Variants in CSMD3 observed in about 807,000 individuals in gnomAD.
The protein encoded by CSMD3 is CUB and Sushi multiple domains 3.
CSMD3 carries 177 observed loss-of-function variants against 435.2 expected under a neutral mutation model. The observed-to-expected ratio is 0.41, with a 90% CI of 0.36 to 0.46. CSMD3 has a LOEUF of 0.46. Ranked by LOEUF, CSMD3 falls within the 20% of genes least tolerant of loss-of-function variation. The pLI, the probability that CSMD3 is intolerant of heterozygous loss-of-function variation, is 0.34. For synonymous variants in CSMD3, 1,656 were observed against 1,520.5 expected, an observed-to-expected ratio of 1.09 and a Z score of -2.07; for missense variants, 4,265 against 4,504.6, an observed-to-expected ratio of 0.95 and a Z score of 1.52.
Position 112,947,824 on chromosome 8 carries a change from G to A in CSMD3, c.1474C>T (p.Pro492Ser), listed in dbSNP as rs759641145. ...ASNLCPDPGE[P>S]ENGKRIGSDF... is the part of the protein sequence containing the mutation. ...GATCCGATTCTCTTCCCATTTTCTG[G>A]TTCTCCTGGATCTGGGCATAAATTG... Residue 492 changes from proline to serine, a missense_variant, in exon 9 of 71, where the codon CCA becomes TCA. This residue lies in a region of CSMD3 where 731 missense variants were observed against 755.4 expected (regional missense o/e 0.97). Transcript: ENST00000297405. 3 of 1,521,702 alleles carry A rather than the reference G, an allele frequency of 2.0e-6. No homozygotes were observed. The highest frequency in any genetic ancestry group is 2.7e-5 in the African/African-American group (2 of 72,836). The allele number at this position is 1,521,702 out of a possible 1,614,324, so 94.3% of individuals were successfully genotyped here.
At chr8:113,039,726 G>A (rs2087521207) in intron 5 of CSMD3, among the ~76,000 whole-genome samples, 1 of 152,086 alleles carries the variant, frequency 6.6e-6, no homozygotes, top group African/African-American at 2.4e-5. Flanking sequence ...CTATTTAAAT[G>A]AAAAACAGGA....
chr8:112,319,045 G>C, intron 46 of CSMD3, 95 bp from the exon 47 acceptor site: 3 of 777,008 alleles, frequency 3.9e-6, no homozygotes, highest in Non-Finnish European at 4.5e-6. Flanking sequence ...TTCTCCTTTA[G>C]TTATTTTCAA....
At chr8:113,003,360 T>C (rs2085939274) in intron 6 of CSMD3, among the ~76,000 whole-genome samples, 1 of 152,110 alleles carries the variant, frequency 6.6e-6, no homozygotes, top group Non-Finnish European at 1.5e-5. Flanking sequence ...AAAATATTGA[T>C]CATTTATTTC....
At chr8:113,153,350 G>T (rs546734456) in intron 4 of CSMD3, among the ~76,000 whole-genome samples, 1 of 152,100 alleles carries the variant, frequency 6.6e-6, no homozygotes, top group African/African-American at 2.4e-5. Context: ...TATTATGTGA[G>T]AATTCAATAG....
intron 32 of CSMD3, among the ~76,000 whole-genome samples, chr8:112,440,696 G>T (rs1039102320): frequency 6.6e-6 from 1 of 152,182 alleles, no homozygotes; most frequent in Non-Finnish European, 1.5e-5. Context: ...TGATTTTTGT[G>T]TACCCACAGG....
intron 5 of CSMD3, among the ~76,000 whole-genome samples, chr8:113,061,561 G>A (rs35555491): frequency 6.6e-6 from 1 of 151,932 alleles, no homozygotes; most frequent in Non-Finnish European, 1.5e-5. Flanking sequence ...AGGTATACAT[G>A]GAATTCACTG....
At chr8:112,441,063 G>T (rs1208530281) in intron 32 of CSMD3, among the ~76,000 whole-genome samples, 3 of 151,990 alleles carry the variant, frequency 2.0e-5, no homozygotes, top group Admixed American at 6.6e-5. Context: ...TTACTTAATT[G>T]CCAGGCTGAA....
At chr8:112,276,365 T>G (rs933131544) in intron 59 of CSMD3, among the ~76,000 whole-genome samples, 1 of 152,134 alleles carries the variant, frequency 6.6e-6, no homozygotes, top group Admixed American at 6.5e-5. Flanking sequence ...TGTCGATGTA[T>G]CTCCCTTTCT....
At chr8:112,690,700 G>GA (rs971439801) in intron 13 of CSMD3, among the ~76,000 whole-genome samples, 29 of 150,786 alleles carry the variant, frequency 1.9e-4, no homozygotes, top group East Asian at 5.9e-4. Context: ...GAAAGAGATT[G>GA]AAAAAAATAT....
chr8:113,083,426 A>C (rs1036929501), intron 5 of CSMD3, among the ~76,000 whole-genome samples: 4 of 152,046 alleles, frequency 2.6e-5, no homozygotes, highest in African/African-American at 9.7e-5. Flanking sequence ...ATGCTTAAGA[A>C]ATGAAGAAGA....
At chr8:112,857,362 G>A (rs2080690793) in intron 11 of CSMD3, among the ~76,000 whole-genome samples, 1 of 151,754 alleles carries the variant, frequency 6.6e-6, no homozygotes, top group Non-Finnish European at 1.5e-5. Context: ...AAGTAGAAAT[G>A]TGACAACCTC....
intron 3 of CSMD3, among the ~76,000 whole-genome samples, chr8:113,185,002 T>G (rs188024860): frequency 6.6e-6 from 1 of 152,176 alleles, no homozygotes; most frequent in East Asian, 1.9e-4. Context: ...TGGTCTAGAT[T>G]GCAGGCAGCA....
chr8:113,093,443 G>T (rs1351039299), intron 5 of CSMD3, among the ~76,000 whole-genome samples: 1 of 152,062 alleles, frequency 6.6e-6, no homozygotes, highest in Non-Finnish European at 1.5e-5. Flanking sequence ...CTGGAAAAGA[G>T]GTAATAATCA....
intron 32 of CSMD3, among the ~76,000 whole-genome samples, chr8:112,472,347 A>T (rs1401514508): frequency 6.6e-6 from 1 of 152,174 alleles, no homozygotes; most frequent in Non-Finnish European, 1.5e-5. Context: ...ACTCATTTTT[A>T]AAAATTAAAA....
intron 11 of CSMD3, among the ~76,000 whole-genome samples, chr8:112,838,894 A>G (rs2132521189): frequency 6.6e-6 from 1 of 151,900 alleles, no homozygotes; most frequent in South Asian, 2.1e-4. Context: ...ATAGGTAAAT[A>G]TTGTATGATA....
At chr8:112,795,683 T>C (rs1199369228) in intron 13 of CSMD3, among the ~76,000 whole-genome samples, 1 of 152,042 alleles carries the variant, frequency 6.6e-6, no homozygotes, top group Non-Finnish European at 1.5e-5. Context: ...CAGATAAAAA[T>C]AACATTGGTG....
chr8:112,256,950 A>G (rs1815866321), intron 61 of CSMD3, among the ~76,000 whole-genome samples: 1 of 152,198 alleles, frequency 6.6e-6, no homozygotes, highest in Admixed American at 6.5e-5. Flanking sequence ...TGCCCGAGCC[A>G]TCTGGAACGC....
At chr8:112,776,701 G>A (rs1184615043) in intron 13 of CSMD3, among the ~76,000 whole-genome samples, 1 of 151,726 alleles carries the variant, frequency 6.6e-6, no homozygotes, top group Non-Finnish European at 1.5e-5. Flanking sequence ...GGATGCTAAT[G>A]AATATTTGAA....
intron 3 of CSMD3, among the ~76,000 whole-genome samples, chr8:113,236,203 C>A (rs926568476): frequency 6.6e-6 from 1 of 152,160 alleles, no homozygotes; most frequent in African/African-American, 2.4e-5. Flanking sequence ...GTTCCAACTG[C>A]AGGTCCGCCT....
Sources: allele counts gnomAD v4.1 joint callset (sites outside exome capture counted in the v4.1 genomes callset), GRCh38; gene constraint gnomAD v4.1.1; regional missense constraint gnomAD v4.1.1; transcripts MANE v1.5; gene names NCBI Gene and HGNC (gene_info 2026-07-23, HGNC 2026-07-21).